Variants in ZC3H3 observed in about 807,000 individuals in gnomAD.
The protein encoded by ZC3H3 is zinc finger CCCH-type containing 3, also known as zinc finger CCCH domain-containing protein 3.
In ZC3H3, 36 loss-of-function variants were observed where a neutral mutation model predicts 77.3. The observed-to-expected ratio is 0.47, with a 90% CI of 0.36 to 0.61. The LOEUF is 0.61. Ranked by LOEUF, ZC3H3 falls within the 20% of genes least tolerant of loss-of-function variation. ZC3H3 has a pLI of 0.00. For synonymous variants in ZC3H3, 626 were observed against 555.2 expected, an observed-to-expected ratio of 1.13 and a Z score of -1.79; for missense variants, 1,331 against 1,312.2, an observed-to-expected ratio of 1.01 and a Z score of -0.22.
intron 9 of ZC3H3, among the ~76,000 whole-genome samples, chr8:143,453,572 T>G (rs1474450954): frequency 2.6e-5 from 4 of 152,092 alleles, no homozygotes; most frequent in Non-Finnish European, 4.4e-5. Context: ...CATTCTCTGA[T>G]GAAGAAAAAC....
intron 4 of ZC3H3, among the ~76,000 whole-genome samples, chr8:143,482,227 C>T (rs1052818616): frequency 6.6e-6 from 1 of 152,246 alleles, no homozygotes; most frequent in East Asian, 1.9e-4. Flanking sequence ...GGTCTTTGCA[C>T]GTGCTGTCCC....
At position 143,533,839 on chromosome 8, in the gene ZC3H3, C is replaced by G. The variant is rs1049945949; in HGVS notation, c.1561+2418G>C. 6.6e-6 allele frequency among the ~76,000 whole-genome samples: 1 copy of G among 152,140 alleles called. No homozygotes were observed. The highest frequency in any genetic ancestry group is 1.5e-5 in the Non-Finnish European group (1 of 68,026). ...TACAGACGCTCGCCACCACACCCAG[C>G]TAATTTTTGTATTTTTAGTAGAGAC... is the stretch of plus-strand genomic sequence containing the variant. On this transcript the variant is annotated intron_variant, in intron 3 of 11. Transcript: ENST00000262577. This position sits in a 1 kb window ranked among gnomAD's most constrained non-coding sequence, Gnocchi z 4.0.
intron 4 of ZC3H3, among the ~76,000 whole-genome samples, chr8:143,488,449 G>T (rs562827366): frequency 7.3e-6 from 1 of 136,184 alleles, no homozygotes; most frequent in African/African-American, 3.0e-5. Flanking sequence ...AACAGCACCC[G>T]CTCCACGACC....
At chr8:143,513,332 G>A (rs1379697426) in intron 3 of ZC3H3, among the ~76,000 whole-genome samples, 1 of 152,164 alleles carries the variant, frequency 6.6e-6, no homozygotes. Context: ...GGGAGCCCCA[G>A]GGAACGAGGC....
At chr8:143,508,596 C>G (rs1821780192) in intron 3 of ZC3H3, among the ~76,000 whole-genome samples, 1 of 152,316 alleles carries the variant, frequency 6.6e-6, no homozygotes, top group African/African-American at 2.4e-5. Context: ...TCTAATTGCC[C>G]AGCTTGCATC....
intron 3 of ZC3H3, among the ~76,000 whole-genome samples, chr8:143,517,556 G>A (rs558970831): frequency 2.0e-5 from 3 of 152,238 alleles, no homozygotes; most frequent in East Asian, 3.9e-4. Flanking sequence ...ACCCAGCCTC[G>A]GTCCCCACTT....
chr8:143,528,845 G>A lies in ZC3H3; in HGVS notation c.1561+7412C>T, dbSNP rs533400021. Among the ~76,000 whole-genome samples, 14 of 152,314 alleles carry A rather than the reference G, an allele frequency of 9.2e-5. No individual in the cohort carries two copies. In the East Asian group the frequency reaches 1.7e-3, roughly 19 times the overall value. On this transcript the variant is annotated intron_variant, in intron 3 of 11. Coordinates refer to ENST00000262577, the MANE Select transcript of ZC3H3 (RefSeq NM_015117.3). ...GGTCCAGTCCTCTGGGAGGGGGGGC[G>A]CCTCACCCTCACCAGGAGCTGCCGC... is the stretch of plus-strand genomic sequence containing the variant.
chr8:143,478,778 G>A (rs1033227821), intron 4 of ZC3H3, among the ~76,000 whole-genome samples: 22 of 152,338 alleles, frequency 1.4e-4, no homozygotes, highest in South Asian at 6.2e-4. Flanking sequence ...CCAAAGTGCC[G>A]GGATTACAGG....
chr8:143,468,357 G>C (rs1370682482), intron 7 of ZC3H3, 25 bp downstream of exon 7: 19 of 1,611,812 alleles, frequency 1.2e-5, no homozygotes, highest in Non-Finnish European at 1.4e-5. Context: ...CCTCCCCCAG[G>C]CCCACAGCGA....
intron 9 of ZC3H3, among the ~76,000 whole-genome samples, chr8:143,454,368 G>C (rs1435354454): frequency 6.6e-6 from 1 of 150,560 alleles, no homozygotes; most frequent in Non-Finnish European, 1.5e-5. Flanking sequence ...TGGGATTATA[G>C]GTGTGAGCCA....
intron 4 of ZC3H3, among the ~76,000 whole-genome samples, chr8:143,492,209 G>T (rs780618228): frequency 3.3e-5 from 5 of 152,190 alleles, no homozygotes; most frequent in Non-Finnish European, 7.4e-5. Flanking sequence ...AAAGCCTCGG[G>T]GGGAGGAGTG....
chr8:143,466,390 G>A (rs1001681212), intron 8 of ZC3H3, among the ~76,000 whole-genome samples: 11 of 152,238 alleles, frequency 7.2e-5, no homozygotes, highest in African/African-American at 2.7e-4. Context: ...GGCACTGGCT[G>A]CAGGCCAGCA....
chr8:143,522,099 T>C (rs1822265354), intron 3 of ZC3H3, among the ~76,000 whole-genome samples: 1 of 152,220 alleles, frequency 6.6e-6, no homozygotes, highest in African/African-American at 2.4e-5. Flanking sequence ...CCCTGACGCC[T>C]GGTCCTCTGT....
At chr8:143,478,880 A>T (rs1386138304) in intron 4 of ZC3H3, among the ~76,000 whole-genome samples, 2 of 152,156 alleles carry the variant, frequency 1.3e-5, no homozygotes, top group Non-Finnish European at 2.9e-5. Flanking sequence ...TAAAAAAAAC[A>T]CCTTACTGGA....
At chr8:143,468,732 T>C in intron 5 of ZC3H3, 73 bp from the exon 6 acceptor site, 1 of 1,497,250 alleles carries the variant, frequency 6.7e-7, no homozygotes, top group South Asian at 1.3e-5. Context: ...CTGACCCCCT[T>C]AGTCGAGGCC....
intron 4 of ZC3H3, among the ~76,000 whole-genome samples, chr8:143,489,979 C>CG (rs1267267049): frequency 6.6e-6 from 1 of 152,180 alleles, no homozygotes; most frequent in Non-Finnish European, 1.5e-5. Flanking sequence ...CCCTGAGCCA[C>CG]GGGTCTCTGG....
chr8:143,511,377 G>A (rs1469036200), intron 3 of ZC3H3, among the ~76,000 whole-genome samples: 1 of 152,232 alleles, frequency 6.6e-6, no homozygotes, highest in Non-Finnish European at 1.5e-5. Context: ...CAGGAGTGAG[G>A]GAGAGTTCAG....
At chr8:143,466,787 T>TTC (rs1432551316) in intron 8 of ZC3H3, among the ~76,000 whole-genome samples, 1 of 152,150 alleles carries the variant, frequency 6.6e-6, no homozygotes, top group Admixed American at 6.5e-5. Context: ...TCCCAGGGCC[T>TTC]TCCTCCCTCC....
At chr8:143,515,028 T>C (rs1216807325) in intron 3 of ZC3H3, among the ~76,000 whole-genome samples, 1 of 152,260 alleles carries the variant, frequency 6.6e-6, no homozygotes, top group Non-Finnish European at 1.5e-5. Context: ...CTCCCGTGAA[T>C]GCTGGGAGCT....
Sources: allele counts gnomAD v4.1 joint callset (sites outside exome capture counted in the v4.1 genomes callset), GRCh38; gene constraint gnomAD v4.1.1; non-coding constraint Gnocchi (gnomAD v3.1); transcripts MANE v1.5; gene names NCBI Gene and HGNC (gene_info 2026-07-23, HGNC 2026-07-21).